Variants in TTC8 observed in about 807,000 individuals in gnomAD.
The protein encoded by TTC8 is tetratricopeptide repeat protein 8.
Under a neutral mutation model 72.5 loss-of-function variants are expected in TTC8, and 47 were observed. The ratio of observed to expected loss-of-function variants is 0.65; its 90% CI spans 0.51 to 0.83. The LOEUF is 0.83. Among genes scored for constraint, TTC8 ranks in the 40% least tolerant of loss-of-function variants. The pLI, the probability that TTC8 is intolerant of heterozygous loss-of-function variation, is 0.00. For missense variants in TTC8, 611 were observed against 623.2 expected (o/e 0.98, Z 0.21); for synonymous variants, 199 against 221.4 (o/e 0.90, Z 0.90).
intron 2 of TTC8, among the ~76,000 whole-genome samples, chr14:88,837,758 G>A (rs189274033): frequency 2.0e-5 from 3 of 152,248 alleles, no homozygotes; most frequent in East Asian, 1.9e-4. Context: ...GGACTTCCCC[G>A]ATCCCTGGGA....
At chr14:88,876,101 G>T (rs888199367) in intron 14 of TTC8, among the ~76,000 whole-genome samples, 2 of 152,162 alleles carry the variant, frequency 1.3e-5, no homozygotes, top group Admixed American at 1.3e-4. Context: ...CTTGGCAGTG[G>T]CAGATTTCAG....
chr14:88,861,108 A>C (rs1335287294), intron 9 of TTC8, 114 bp from the exon 10 acceptor site: 1 of 862,518 alleles, frequency 1.2e-6, no homozygotes. Flanking sequence ...CCGGCTAAAA[A>C]TTCTTTAATG....
At chr14:88,867,405 A>T (rs2094915107) in intron 10 of TTC8, among the ~76,000 whole-genome samples, 2 of 152,212 alleles carry the variant, frequency 1.3e-5, no homozygotes, top group Admixed American at 1.3e-4. Context: ...CAAGACACTG[A>T]GAGTGAAAAA....
chr14:88,839,643 A>T (rs2094770688), intron 3 of TTC8, 71 bp downstream of exon 3: 1 of 1,285,880 alleles, frequency 7.8e-7, no homozygotes, highest in East Asian at 2.3e-5. Flanking sequence ...TAAGAGGAAT[A>T]TATATGCCTA....
chr14:88,859,263 A>G (rs1395827690), intron 9 of TTC8, among the ~76,000 whole-genome samples: 8 of 152,184 alleles, frequency 5.3e-5, no homozygotes, highest in Admixed American at 2.0e-4. Context: ...CATGGAATTA[A>G]CCTAAATGCC....
At chr14:88,843,625 A>C (rs1034602881) in intron 6 of TTC8, among the ~76,000 whole-genome samples, 181 bp from the exon 7 acceptor site, 5 of 152,132 alleles carry the variant, frequency 3.3e-5, no homozygotes, top group African/African-American at 1.2e-4. Context: ...TTCTTTGAGC[A>C]TTCCAGTTTG....
intron 9 of TTC8, among the ~76,000 whole-genome samples, chr14:88,857,523 G>A (rs1191113625): frequency 6.6e-6 from 1 of 152,070 alleles, no homozygotes; most frequent in Non-Finnish European, 1.5e-5. Flanking sequence ...TAGGACAGGA[G>A]AAAATACCAT....
At chr14:88,872,618 A>G (rs1017407940) in intron 13 of TTC8, among the ~76,000 whole-genome samples, 166 bp downstream of exon 13, 3 of 152,164 alleles carry the variant, frequency 2.0e-5, no homozygotes, top group African/African-American at 7.2e-5. Context: ...ACCTTGGGAC[A>G]AGTTACTTAA....
At chr14:88,855,640 T>C (rs2094852672) in intron 8 of TTC8, among the ~76,000 whole-genome samples, 1 of 152,220 alleles carries the variant, frequency 6.6e-6, no homozygotes, top group Non-Finnish European at 1.5e-5. Context: ...ATTTCTGTTT[T>C]CATATTCTTG....
At chr14:88,824,278 A>T, upstream of TTC8, 1 of 168,526 alleles carries the variant, frequency 5.9e-6, no homozygotes. Flanking sequence ...AAAGGGATGG[A>T]AACGAGCGAA....
In TTC8 at chr14:88,824,734, C is replaced by A; in HGVS notation, c.27C>A (p.Leu9=). MSSEMEPL[L]LAWSYFRRRK... is the part of the protein sequence containing the mutation. ...TGAGCTCGGAGATGGAGCCGCTGCTCCTGGCCTGGAGCTATTTTAGGCGCA... is the reference window on the plus strand; with the variant it reads ...TGAGCTCGGAGATGGAGCCGCTGCTACTGGCCTGGAGCTATTTTAGGCGCA... The change falls in exon 1 of 15, where the codon CTC becomes CTA. Residue 9 remains leucine, a synonymous_variant. Coordinates refer to ENST00000380656, the MANE Select transcript of TTC8 (RefSeq NM_144596.4). The A allele has an allele frequency of 1.2e-6, 2 of 1,611,288 alleles. No individual in the cohort carries two copies. The highest frequency in any genetic ancestry group is 1.7e-6 in the Non-Finnish European group (2 of 1,179,022).
intron 1 of TTC8, among the ~76,000 whole-genome samples, chr14:88,825,991 A>AT (rs199750813): frequency 4.2e-4 from 63 of 149,178 alleles, no homozygotes; most frequent in Middle Eastern, 3.4e-3. Flanking sequence ...ATTTTTTTTT[A>AT]TTTTTTTTTG....
upstream of TTC8, chr14:88,824,650 C>A: frequency 1.4e-6 from 2 of 1,442,760 alleles, no homozygotes; most frequent in Non-Finnish European, 1.9e-6. Flanking sequence ...GCCAGCTCTT[C>A]ACTCCACGCC....
In TTC8 at chr14:88,875,019, T is replaced by C; in HGVS notation, c.1348-7T>C. The C allele has an allele frequency of 6.2e-7, 1 of 1,609,388 alleles. No individual in the cohort carries two copies. The highest frequency in any genetic ancestry group is 1.3e-5 in the African/African-American group (1 of 74,956). ...TTGGTTTTTCTTTTCTTTATTTTTA[T>C]ACACAGGCAAGGGCACTATTACAAA... is the stretch of plus-strand genomic sequence containing the variant. On this transcript the variant is annotated splice_region_variant and splice_polypyrimidine_tract_variant and intron_variant, in intron 13 of 14. Coordinates refer to ENST00000380656, the MANE Select transcript of TTC8 (RefSeq NM_144596.4).
chr14:88,855,328 T>C (rs979737001), intron 8 of TTC8, among the ~76,000 whole-genome samples: 3 of 152,220 alleles, frequency 2.0e-5, no homozygotes, highest in Admixed American at 6.5e-5. Context: ...AGTTGACACT[T>C]TACAGTTTTG....
intron 10 of TTC8, among the ~76,000 whole-genome samples, chr14:88,867,298 G>A (rs565728433): frequency 6.6e-6 from 1 of 152,126 alleles, no homozygotes; most frequent in East Asian, 1.9e-4. Flanking sequence ...AAAAGGGACT[G>A]GTTTAATAAA....
chr14:88,877,595 TTTATAAAATAATA>T lies in TTC8; in HGVS notation c.*196_*208del. ...ATGCAAATTTCATAGTAATAGTAAC[TTTATAAAATAATA>T]TTATAAAATACAGGATTTAAACCTT... On this transcript the variant is annotated 3_prime_UTR_variant, in exon 15 of 15. Coordinates refer to ENST00000380656, the MANE Select transcript of TTC8 (RefSeq NM_144596.4). 2.0e-6 allele frequency: 1 copy of T among 503,348 alleles called. No individual in the cohort carries two copies. The highest frequency in any genetic ancestry group is 3.5e-6 in the Non-Finnish European group (1 of 284,002). The allele number at this position is 503,348 out of a possible 1,614,324, so 31.2% of individuals were successfully genotyped here.
chr14:88,837,662 A>G (rs912824724), intron 2 of TTC8, among the ~76,000 whole-genome samples: 4 of 152,224 alleles, frequency 2.6e-5, no homozygotes, highest in Non-Finnish European at 4.4e-5. Context: ...CTGGCAGGGC[A>G]GTATGACCTG....
At chr14:88,824,554 T>A (rs1376511927), upstream of TTC8, 11 of 614,622 alleles carry the variant, frequency 1.8e-5, no homozygotes, top group Non-Finnish European at 3.2e-5. Context: ...TGCGGTTGTT[T>A]TTCTTTTTCC....
Sources: allele counts gnomAD v4.1 joint callset (sites outside exome capture counted in the v4.1 genomes callset), GRCh38; gene constraint gnomAD v4.1.1; transcripts MANE v1.5; gene names NCBI Gene and HGNC (gene_info 2026-07-23, HGNC 2026-07-21).